Variants in TAB1 observed in about 807,000 individuals in gnomAD.
The protein encoded by TAB1 is TGF-beta-activated kinase 1 and MAP3K7-binding protein 1.
A neutral mutation model predicts 54.5 loss-of-function variants in TAB1; 30 were observed. The observed-to-expected ratio is 0.55, with a 90% CI of 0.41 to 0.75. The LOEUF (loss-of-function observed/expected upper bound fraction) is 0.75, where lower values mean the gene tolerates loss of function less well. Among genes scored for constraint, TAB1 ranks in the 30% least tolerant of loss-of-function variants. TAB1 has a pLI of 0.00. For synonymous variants in TAB1, 289 were observed against 286.9 expected, an observed-to-expected ratio of 1.01 and a Z score of -0.07; for missense variants, 609 against 683.2, an observed-to-expected ratio of 0.89 and a Z score of 1.21.
At chr22:39,432,759 T>C (rs757784499), downstream of TAB1, 112 of 985,706 alleles carry the variant, frequency 1.1e-4, no homozygotes, top group Non-Finnish European at 1.3e-4. Context: ...GCACCTGCTC[T>C]GCCCTAAGCG....
intron 1 of TAB1, among the ~76,000 whole-genome samples, chr22:39,404,436 A>T (rs1926277035): frequency 1.3e-5 from 2 of 152,006 alleles, no homozygotes; most frequent in Admixed American, 1.3e-4. Context: ...TTAGTGAGGC[A>T]TGGTGGTATG....
intron 1 of TAB1, among the ~76,000 whole-genome samples, chr22:39,406,083 C>T (rs1038010531): frequency 6.6e-6 from 1 of 152,140 alleles, no homozygotes; most frequent in Non-Finnish European, 1.5e-5. Flanking sequence ...AAATGTAGGT[C>T]TTCAAATCAG....
downstream of TAB1, chr22:39,433,937 C>A: frequency 5.4e-6 from 3 of 554,702 alleles, no homozygotes; most frequent in Non-Finnish European, 4.6e-6. Flanking sequence ...TCACTCTCAG[C>A]CTGTATCCGT....
rs1454702026 is a variant in TAB1 at position 39,426,608 on chromosome 22, C to A, written c.922-95C>A. The stretch of plus-strand genomic sequence containing the variant: ...TTCCTTCACCTGCTGGGCTGTTGAC[C>A]ACTGAATCTCCTGATTTTAGGCTCC... On this transcript the variant is annotated intron_variant, in intron 8 of 10. Transcript: ENST00000216160. The A allele has an allele frequency of 7.0e-6, 8 of 1,144,448 alleles. No homozygotes were observed. The East Asian group carries it at 1.5e-4, about 22-fold the overall frequency. 70.9% of individuals were successfully genotyped at this position (1,144,448 alleles called of 1,614,324 possible).
At position 39,423,872 on chromosome 22, in the gene TAB1, C is replaced by G. The variant is rs1001822362; in HGVS notation, c.921+1901C>G. Among the ~76,000 whole-genome samples, 58 of 149,246 alleles carry G rather than the reference C, an allele frequency of 3.9e-4. 2 individuals are homozygous for G. The East Asian group carries it at 0.011, about 27-fold the overall frequency. ...TAGTGTTTTATAGTGTACATTGTAA[C>G]TAATGTATAGTGTTTTATAGTGTAC... On this transcript the variant is annotated intron_variant, in intron 8 of 10. Transcript: ENST00000216160.
In TAB1 at chr22:39,417,701, A is replaced by G. The variant is rs1382056351; in HGVS notation, c.412-10A>G. 6.3e-7 allele frequency: 1 copy of G among 1,598,806 alleles called. No homozygotes were observed. The highest frequency in any genetic ancestry group is 1.7e-5 in the Admixed American group (1 of 58,138). ...TCTGTCCTGCCCTGACCCTCTGTTG[A>G]TGGTTGTAGGGAGTCCCTCAGCACC... is the stretch of plus-strand genomic sequence containing the variant. On this transcript the variant is annotated splice_polypyrimidine_tract_variant and intron_variant, in intron 4 of 10. Transcript: ENST00000216160.
chr22:39,430,780 A>C lies in TAB1; in HGVS notation c.*558A>C. The stretch of plus-strand genomic sequence containing the variant: ...TGCCTTGGTTGTGTCATCTGTTGTA[A>C]ACGTTCAGGAGGACCAGGGCAGCAT... On this transcript the variant is annotated 3_prime_UTR_variant, in exon 11 of 11. Coordinates refer to ENST00000216160, the MANE Select transcript of TAB1 (RefSeq NM_006116.3). 1 of 1,000,728 alleles carries C rather than the reference A, an allele frequency of 1.0e-6. No homozygotes were observed. Among genetic ancestry groups the C allele is most frequent in the Non-Finnish European group, 1.2e-6 (1 of 837,492 alleles). 62.0% of individuals were successfully genotyped at this position (1,000,728 alleles called of 1,614,324 possible). A position where few individuals can be genotyped will look rare whatever the true frequency, so the allele number is the denominator to read the frequency against.
chr22:39,430,819 T>C lies in TAB1; in HGVS notation c.*597T>C. On this transcript the variant is annotated 3_prime_UTR_variant, in exon 11 of 11. Coordinates refer to ENST00000216160, the MANE Select transcript of TAB1 (RefSeq NM_006116.3). ...CCAGGGCAGCATCTGGGGCCTGGGA[T>C]GGCCACAGAAGGGGCAGGCCAGGTG... The C allele has an allele frequency of 2.6e-5, 26 of 991,202 alleles. No individual in the cohort carries two copies. Among genetic ancestry groups the C allele is most frequent in the Non-Finnish European group, 3.1e-5 (26 of 832,862 alleles). 61.4% of individuals were successfully genotyped at this position (991,202 alleles called of 1,614,324 possible).
chr22:39,417,963 T>G, intron 5 of TAB1, 114 bp downstream of exon 5: 1 of 1,361,010 alleles, frequency 7.3e-7, no homozygotes, highest in Non-Finnish European at 9.8e-7. Context: ...AAACCCAGGG[T>G]CTCCTGAGAC....
chr22:39,436,392 TCA>T (rs2145691828), downstream of TAB1: 2 of 964,704 alleles, frequency 2.1e-6, no homozygotes, highest in East Asian at 4.8e-5. Flanking sequence ...ATCCGTGGCC[TCA>T]GAGAGGTTTA....
chr22:39,406,921 C>T lies in TAB1; in HGVS notation c.33+7086C>T, dbSNP rs904139851. On this transcript the variant is annotated intron_variant, in intron 1 of 10. Transcript: ENST00000216160. ...GTGCTGGGATTACAGGCGTGAGCCACTGCGCCCGGCCTCTGGTCACAGTTT... is the reference window on the plus strand; with the variant it reads ...GTGCTGGGATTACAGGCGTGAGCCATTGCGCCCGGCCTCTGGTCACAGTTT... 3.7e-4 allele frequency among the ~76,000 whole-genome samples: 56 copies of T among 152,234 alleles called. 1 individual carries two copies. Among genetic ancestry groups the T allele is most frequent in the Admixed American group, 3.6e-3 (55 of 15,282 alleles).
intron 7 of TAB1, 79 bp from the exon 8 acceptor site, chr22:39,421,748 G>GT: frequency 6.8e-7 from 1 of 1,470,550 alleles, no homozygotes; most frequent in Non-Finnish European, 9.4e-7. Context: ...TCTGGGCATA[G>GT]ATTCCTCCCC....
chr22:39,419,583 C>T lies in TAB1; in HGVS notation c.729C>T (p.Ile243=), dbSNP rs373221337. 2.2e-5 allele frequency: 36 copies of T among 1,612,904 alleles called. No homozygotes were observed. The highest frequency in any genetic ancestry group is 1.6e-4 in the Middle Eastern group (1 of 6,064). Residue 243 remains isoleucine (I), a synonymous_variant, in exon 7 of 11, where the codon ATC becomes ATT. Coordinates refer to ENST00000216160, the MANE Select transcript of TAB1 (RefSeq NM_006116.3). ...GTGGGCAGGAGAGCACCCGGCGGATCGGGGATTACAAGGTTAAATATGGCT... is the reference window on the plus strand; with the variant it reads ...GTGGGCAGGAGAGCACCCGGCGGATTGGGGATTACAAGGTTAAATATGGCT... ...IICGQESTRR[I]GDYKVKYGYT...
In TAB1 at chr22:39,418,845, G is replaced by C. The variant is rs376484699; in HGVS notation, c.664G>C (p.Gly222Arg). The C allele has an allele frequency of 6.2e-7, 1 of 1,612,538 alleles. No homozygotes were observed. The highest frequency in any genetic ancestry group is 2.2e-5 in the East Asian group (1 of 44,874). Residue 222 changes from glycine (G) to arginine (R), a missense_variant and splice_region_variant, in exon 6 of 11, where the codon GGC (glycine) becomes CGC (arginine). Physicochemically the swap from Gly to Arg is moderately radical, Grantham distance 125 (BLOSUM62 -2). Coordinates refer to ENST00000216160, the MANE Select transcript of TAB1 (RefSeq NM_006116.3). ...EDELFRLSQL[G>R]LDAGKIKQVG... is the part of the protein sequence containing the mutation. The stretch of plus-strand genomic sequence containing the variant: ...TGAGCTCTTCCGTCTTTCGCAGCTG[G>C]GTGAGTGGGGAGAGTGGGAGCGGAA...
intron 1 of TAB1, among the ~76,000 whole-genome samples, chr22:39,410,001 T>G (rs1411703764): frequency 3.3e-5 from 5 of 152,312 alleles, no homozygotes; most frequent in African/African-American, 1.2e-4. Flanking sequence ...CATATGTGGG[T>G]CCGGAAGACC....
At position 39,426,693 on chromosome 22, in the gene TAB1, C is replaced by G; in HGVS notation, c.922-10C>G. On this transcript the variant is annotated splice_polypyrimidine_tract_variant and intron_variant, in intron 8 of 10. Coordinates refer to ENST00000216160, the MANE Select transcript of TAB1 (RefSeq NM_006116.3). ...GTTCCTTACCAGGTTCTTCCTACCC[C>G]CTCCCCCAGGAGATTGCTGCGATGA... 6.3e-7 allele frequency: 1 copy of G among 1,591,060 alleles called. No individual in the cohort carries two copies. The highest frequency in any genetic ancestry group is 8.6e-7 in the Non-Finnish European group (1 of 1,162,606).
In TAB1 at chr22:39,419,502, A is replaced by C; in HGVS notation, c.665-17A>C. ...TGTGAACAAGAAGCAGGATTGTTGC[A>C]CTGTTTCCCTCCGTAGGCTTGGATG... On this transcript the variant is annotated splice_polypyrimidine_tract_variant and intron_variant, in intron 6 of 10. Coordinates refer to ENST00000216160, the MANE Select transcript of TAB1 (RefSeq NM_006116.3). The C allele has an allele frequency of 6.3e-7, 1 of 1,576,162 alleles. No homozygotes were observed. Among genetic ancestry groups the C allele is most frequent in the Non-Finnish European group, 8.7e-7 (1 of 1,152,434 alleles).
rs569171449 is a variant in TAB1 at position 39,417,057 on chromosome 22, G to A, written c.411+180G>A. On this transcript the variant is annotated intron_variant, in intron 4 of 10. Transcript: ENST00000216160. ...GGACCTCGCTGCTCTGCTGTGGGCA[G>A]CTGCATGCTAAAGCTCAGCAGTGTC... Among the ~76,000 whole-genome samples the A allele has an allele frequency of 3.9e-5, 6 of 152,378 alleles. No individual in the cohort carries two copies. In the South Asian group the frequency reaches 1.2e-3, roughly 32 times the overall value.
At position 39,420,773 on chromosome 22, in the gene TAB1, C is replaced by CTGTGTG. The variant is rs765689530; in HGVS notation, c.777-1053_777-1052insGTGTGT. On this transcript the variant is annotated intron_variant, in intron 7 of 10. Coordinates refer to ENST00000216160, the MANE Select transcript of TAB1 (RefSeq NM_006116.3). Reference sequence around the variant, plus strand: ...ACATGCACATATACACACACGGTGTCTCTGTGTGTGTGTGTGTGTGTGTGT... The same window carrying CTGTGTG: ...ACATGCACATATACACACACGGTGTCTGTGTGTCTGTGTGTGTGTGTGTGTGTGTGT... 1.6e-3 allele frequency among the ~76,000 whole-genome samples: 175 copies of CTGTGTG among 106,158 alleles called. 1 individual carries two copies. The highest frequency in any genetic ancestry group is 1.8e-3 in the Non-Finnish European group (96 of 53,230). The allele number at this position is 106,158 out of a possible 152,430, so 69.6% of individuals were successfully genotyped here. A position where few individuals can be genotyped will look rare whatever the true frequency, so the allele number is the denominator to read the frequency against.
Sources: allele counts gnomAD v4.1 joint callset (sites outside exome capture counted in the v4.1 genomes callset), GRCh38; gene constraint gnomAD v4.1.1; transcripts MANE v1.5; gene names NCBI Gene and HGNC (gene_info 2026-07-23, HGNC 2026-07-21).